BCL2: variants seen among roughly 807,000 people sequenced by gnomAD.
The protein encoded by BCL2 is apoptosis regulator Bcl-2.
In BCL2, 1 loss-of-function variant was observed where a neutral mutation model predicts 14.2. The observed-to-expected ratio is 0.07, with a 90% CI of 0.02 to 0.33. The LOEUF (loss-of-function observed/expected upper bound fraction) is 0.33. BCL2 is among the 10% of genes least tolerant of loss of function. The pLI is 0.99. For synonymous variants in BCL2, 151 were observed against 137.2 expected, an observed-to-expected ratio of 1.10 and a Z score of -0.70; for missense variants, 247 against 305.9, an observed-to-expected ratio of 0.81 and a Z score of 1.44.
intron 2 of BCL2, among the ~76,000 whole-genome samples, chr18:63,255,617 G>C (rs905067075): frequency 2.0e-5 from 3 of 152,118 alleles, no homozygotes; most frequent in African/African-American, 7.2e-5. Context: ...TTCTCACTTT[G>C]CAATTGACCT....
chr18:63,129,888 G>A (rs1914021290), intron 2 of BCL2, among the ~76,000 whole-genome samples: 2 of 152,318 alleles, frequency 1.3e-5, no homozygotes, highest in South Asian at 4.1e-4. Flanking sequence ...TCTTGGGGGT[G>A]GCTAGACTGG....
intron 2 of BCL2, among the ~76,000 whole-genome samples, chr18:63,310,824 A>C (rs543483023): frequency 1.3e-5 from 2 of 152,258 alleles, no homozygotes; most frequent in Non-Finnish European, 2.9e-5. Flanking sequence ...TTTTCTTCTT[A>C]TACTATCACT....
chr18:63,235,649 C>T (rs976064223), intron 2 of BCL2, among the ~76,000 whole-genome samples: 3 of 150,842 alleles, frequency 2.0e-5, no homozygotes, highest in African/African-American at 7.3e-5. Context: ...CTGTGACGTT[C>T]AGGGAAGGAA....
chr18:63,156,198 A>G (rs188658264), intron 2 of BCL2, among the ~76,000 whole-genome samples: 1 of 152,018 alleles, frequency 6.6e-6, no homozygotes. Context: ...GCCCAGCAAT[A>G]GCATGGAAGG....
rs1256856454 is a variant in BCL2, at chr18:63,124,166, G to A, written c.*4459C>T. 4.5e-6 allele frequency: 1 copy of A among 222,000 alleles called. No individual in the cohort carries two copies. Among genetic ancestry groups the A allele is most frequent in the Non-Finnish European group, 9.0e-6 (1 of 111,050 alleles). The allele number at this position is 222,000 out of a possible 1,614,324, so 13.8% of individuals were successfully genotyped here. ...AGACATGGAACAGAATGATTCACTG[G>A]GTAAGACTAAAGGACTTGTATTATC... On this transcript the variant is annotated 3_prime_UTR_variant, in exon 3 of 3. Transcript: ENST00000333681.
chr18:63,188,487 C>T (rs373823099), intron 2 of BCL2, among the ~76,000 whole-genome samples: 1 of 152,190 alleles, frequency 6.6e-6, no homozygotes, highest in East Asian at 1.9e-4. Flanking sequence ...GTAAAATAAT[C>T]AGTTTGGAAA....
At chr18:63,155,791 G>C (rs1421535901) in intron 2 of BCL2, among the ~76,000 whole-genome samples, 2 of 152,192 alleles carry the variant, frequency 1.3e-5, no homozygotes, top group Non-Finnish European at 2.9e-5. Flanking sequence ...CTTGCCCCGA[G>C]CTCAGGGTCA....
chr18:63,169,303 TC>T (rs1915141159), intron 2 of BCL2, among the ~76,000 whole-genome samples: 1 of 76,584 alleles, frequency 1.3e-5, no homozygotes, highest in Non-Finnish European at 2.5e-5. Flanking sequence ...TTTCTTTCTT[TC>T]TTTCTTCCTT....
At chr18:63,138,320 C>G (rs1019025557) in intron 2 of BCL2, among the ~76,000 whole-genome samples, 1 of 152,190 alleles carries the variant, frequency 6.6e-6, no homozygotes, top group African/African-American at 2.4e-5. Context: ...ATCGGCTCGG[C>G]AGGATTTCCT....
intron 2 of BCL2, among the ~76,000 whole-genome samples, chr18:63,138,779 A>C (rs923231483): frequency 6.6e-6 from 1 of 152,246 alleles, no homozygotes; most frequent in African/African-American, 2.4e-5. Context: ...GAAAAACCCA[A>C]ACAAAACAAA....
At chr18:63,183,335 C>T (rs1915519409) in intron 2 of BCL2, among the ~76,000 whole-genome samples, 1 of 152,108 alleles carries the variant, frequency 6.6e-6, no homozygotes, top group South Asian at 2.1e-4. Context: ...GAGGAAAATG[C>T]CCCCCACCCC....
chr18:63,220,527 A>G (rs1289336064), intron 2 of BCL2, among the ~76,000 whole-genome samples: 1 of 152,228 alleles, frequency 6.6e-6, no homozygotes, highest in Non-Finnish European at 1.5e-5. Context: ...CTAAAAGAAC[A>G]TATTTCCTCT....
At chr18:63,131,151 T>C (rs1252823988) in intron 2 of BCL2, among the ~76,000 whole-genome samples, 1 of 152,178 alleles carries the variant, frequency 6.6e-6, no homozygotes, top group Non-Finnish European at 1.5e-5. Flanking sequence ...TAAGATGCTC[T>C]GTAATCACAG....
chr18:63,128,538 G>C lies in BCL2; in HGVS notation c.*87C>G, dbSNP rs948886783. 2 of 718,300 alleles carry C rather than the reference G, an allele frequency of 2.8e-6. No individual in the cohort carries two copies. The highest frequency in any genetic ancestry group is 1.9e-5 in the Admixed American group (1 of 51,658). The allele number at this position is 718,300 out of a possible 1,614,324, so 44.5% of individuals were successfully genotyped here. On this transcript the variant is annotated 3_prime_UTR_variant, in exon 3 of 3. Coordinates refer to ENST00000333681, the MANE Select transcript of BCL2 (RefSeq NM_000633.3). ...TTTTTCTTAAACAGCCTGCAGCTTT[G>C]TTTCATGGTACATCACTGACAATGC...
chr18:63,168,367 A>G (rs1568221827), intron 2 of BCL2, among the ~76,000 whole-genome samples: 1 of 152,224 alleles, frequency 6.6e-6, no homozygotes, highest in South Asian at 2.1e-4. Flanking sequence ...CCATGTCTAC[A>G]AAACAATTAA....
intron 2 of BCL2, among the ~76,000 whole-genome samples, chr18:63,183,118 T>G (rs983536505): frequency 6.6e-6 from 1 of 152,120 alleles, no homozygotes; most frequent in African/African-American, 2.4e-5. Context: ...AAGGAAGTGC[T>G]GGGGAAGGAA....
At chr18:63,160,846 T>C (rs943745278) in intron 2 of BCL2, among the ~76,000 whole-genome samples, 32 of 152,056 alleles carry the variant, frequency 2.1e-4, no homozygotes, top group African/African-American at 7.7e-4. Flanking sequence ...GGTCCTAAAC[T>C]GCTCACTAGC....
chr18:63,213,547 AACACACAC>A (rs57058660), intron 2 of BCL2, among the ~76,000 whole-genome samples: 68 of 146,320 alleles, frequency 4.6e-4, no homozygotes, highest in South Asian at 1.3e-3. Flanking sequence ...CACACACATA[AACACACAC>A]ACACACACAC....
At chr18:63,258,554 T>C (rs948588808) in intron 2 of BCL2, among the ~76,000 whole-genome samples, 2 of 152,244 alleles carry the variant, frequency 1.3e-5, no homozygotes, top group African/African-American at 4.8e-5. Flanking sequence ...CTATGTGATG[T>C]TATCAGAACA....
Sources: gnomAD v4.1 joint callset for allele counts (sites outside exome capture counted in the v4.1 genomes callset) on GRCh38, gnomAD v4.1.1 for gene constraint, MANE v1.5 for transcripts, NCBI Gene and HGNC (gene_info 2026-07-23, HGNC 2026-07-21) for gene names.